The following OTOGL variants were observed in gnomAD, a reference collection of about 807,000 sequenced individuals.
The protein encoded by OTOGL is otogelin like, also known as otogelin-like protein.
Under a neutral mutation model 318.5 loss-of-function variants are expected in OTOGL, and 285 were observed. The ratio of observed to expected loss-of-function variants is 0.89; its 90% CI spans 0.81 to 0.99. The LOEUF is 0.99. Among genes scored for constraint, OTOGL ranks in the 50% least tolerant of loss-of-function variants. The pLI is 0.00. For missense variants in OTOGL, 2,899 were observed against 2,845.6 expected (o/e 1.02, Z -0.43); for synonymous variants, 987 against 936.5 (o/e 1.05, Z -0.99).
At chr12:80,276,390 C>A (rs1172716275) in intron 24 of OTOGL, among the ~76,000 whole-genome samples, 3 of 151,684 alleles carry the variant, frequency 2.0e-5, no homozygotes, top group Non-Finnish European at 4.4e-5. Context: ...CCATAGTAAG[C>A]AGTCAAGAAT....
intron 1 of OTOGL, among the ~76,000 whole-genome samples, chr12:80,172,204 C>T (rs1286450895): frequency 6.6e-6 from 1 of 152,076 alleles, no homozygotes; most frequent in Non-Finnish European, 1.5e-5. Flanking sequence ...ACTTGAAATG[C>T]CTTTCTTCCT....
chr12:80,328,758 T>C lies in OTOGL; in HGVS notation c.4279+14T>C. ...ATCCACGAGACTGTAAGTGTGAACGTTGCTTAATTTACTCTGAAAAATTAT... is the reference window on the plus strand; with the variant it reads ...ATCCACGAGACTGTAAGTGTGAACGCTGCTTAATTTACTCTGAAAAATTAT... On this transcript the variant is annotated intron_variant, in intron 36 of 58. Transcript: ENST00000547103. The C allele has an allele frequency of 6.4e-7, 1 of 1,567,566 alleles. No homozygotes were observed. The highest frequency in any genetic ancestry group is 8.8e-7 in the Non-Finnish European group (1 of 1,140,704).
chr12:80,196,689 G>A (rs59401108), intron 1 of OTOGL, among the ~76,000 whole-genome samples: 3,371 of 152,236 alleles, frequency 0.022, 136 homozygotes, highest in East Asian at 0.19. Context: ...CTATACAAAT[G>A]GTCTTCTCCC....
At chr12:80,176,592 C>T (rs1366822404) in intron 1 of OTOGL, among the ~76,000 whole-genome samples, 1 of 151,972 alleles carries the variant, frequency 6.6e-6, no homozygotes, top group Non-Finnish European at 1.5e-5. Context: ...TTTTTTATTG[C>T]TAAGTAGTAT....
chr12:80,297,694 A>T (rs1265153405), intron 27 of OTOGL, among the ~76,000 whole-genome samples: 1 of 152,026 alleles, frequency 6.6e-6, no homozygotes, highest in African/African-American at 2.4e-5. Context: ...AGACTTTGAG[A>T]TGCCTTCCCA....
intron 1 of OTOGL, among the ~76,000 whole-genome samples, chr12:80,110,456 A>G (rs1404673221): frequency 3.3e-5 from 5 of 152,136 alleles, no homozygotes; most frequent in Admixed American, 2.6e-4. Flanking sequence ...CCCTGTGCCC[A>G]TGTGTTCTCA....
At chr12:80,330,338 C>G (rs548454402) in intron 37 of OTOGL, among the ~76,000 whole-genome samples, 1 of 152,066 alleles carries the variant, frequency 6.6e-6, no homozygotes, top group Non-Finnish European at 1.5e-5. Context: ...AAGAGCCCTA[C>G]GAGAGAGGTT....
intron 35 of OTOGL, among the ~76,000 whole-genome samples, chr12:80,324,633 G>A (rs1002648839): frequency 6.6e-6 from 1 of 152,174 alleles, no homozygotes; most frequent in African/African-American, 2.4e-5. Context: ...TGGAGGAGAG[G>A]AGGACAGGGC....
intron 56 of OTOGL, 75 bp downstream of exon 56, chr12:80,370,764 C>A: frequency 2.7e-6 from 3 of 1,126,146 alleles, no homozygotes; most frequent in Admixed American, 2.8e-5. Flanking sequence ...TTTCTAAGGT[C>A]ATACTTTCAT....
At chr12:80,274,066 A>C (rs1883614612) in intron 24 of OTOGL, among the ~76,000 whole-genome samples, 2 of 151,998 alleles carry the variant, frequency 1.3e-5, no homozygotes, top group African/African-American at 4.8e-5. Flanking sequence ...CAATACTGAA[A>C]TTAGGCCAAT....
At chr12:80,101,822 G>T (rs961587138) in intron 1 of OTOGL, among the ~76,000 whole-genome samples, 3 of 152,156 alleles carry the variant, frequency 2.0e-5, no homozygotes, top group African/African-American at 7.2e-5. Flanking sequence ...ACCTGTAAAG[G>T]GGGGAAATTG....
chr12:80,220,348 G>A (rs1878186540), intron 6 of OTOGL, among the ~76,000 whole-genome samples: 1 of 151,942 alleles, frequency 6.6e-6, no homozygotes, highest in Non-Finnish European at 1.5e-5. Context: ...TTGTGGAGAT[G>A]GGGTTTCACC....
At chr12:80,170,341 T>C (rs1874122753) in intron 1 of OTOGL, among the ~76,000 whole-genome samples, 1 of 152,144 alleles carries the variant, frequency 6.6e-6, no homozygotes, top group African/African-American at 2.4e-5. Flanking sequence ...CTATTGATGG[T>C]GAAAATATTT....
chr12:80,345,148 GTTATA>G lies in OTOGL; in HGVS notation c.5265+2993_5265+2997del, dbSNP rs527677608. On this transcript the variant is annotated intron_variant, in intron 44 of 58. Transcript: ENST00000547103. ...TTATATATTATAATATATATTATAT[GTTATA>G]TTATATATTATGATATATAATATAT... 6.8e-3 allele frequency among the ~76,000 whole-genome samples: 889 copies of G among 130,426 alleles called. 14 individuals carry two copies. The highest frequency in any genetic ancestry group is 0.023 in the African/African-American group (784 of 34,556). The allele number at this position is 130,426 out of a possible 152,430, so 85.6% of individuals were successfully genotyped here. A position where few individuals can be genotyped will look rare whatever the true frequency, so the allele number is the denominator to read the frequency against.
intron 44 of OTOGL, among the ~76,000 whole-genome samples, chr12:80,352,023 G>T (rs1889581570): frequency 6.6e-6 from 1 of 152,100 alleles, no homozygotes; most frequent in Non-Finnish European, 1.5e-5. Context: ...GTGGATATTA[G>T]AAATAAATTT....
At chr12:80,367,411 C>A in intron 53 of OTOGL, 150 bp from the exon 54 acceptor site, 1 of 522,046 alleles carries the variant, frequency 1.9e-6, no homozygotes, top group Non-Finnish European at 3.2e-6. Flanking sequence ...AAATATTGGG[C>A]CATTAAAATA....
intron 52 of OTOGL, chr12:80,361,141 C>T (rs1266014607): frequency 1.3e-5 from 2 of 150,380 alleles, no homozygotes; most frequent in Non-Finnish European, 3.0e-5. Flanking sequence ...AACCCTGCTC[C>T]CCCACCCTCA....
chr12:80,212,116 G>T, intron 4 of OTOGL, 119 bp downstream of exon 4: 1 of 998,776 alleles, frequency 1.0e-6, no homozygotes. Flanking sequence ...GAACAAGACA[G>T]GAAGGAGGAG....
chr12:80,324,955 A>T (rs1887583900), intron 35 of OTOGL, among the ~76,000 whole-genome samples: 1 of 152,180 alleles, frequency 6.6e-6, no homozygotes, highest in South Asian at 2.1e-4. Flanking sequence ...CTGGAGTTTG[A>T]TATGGAAAAT....
Sources: allele counts gnomAD v4.1 joint callset (sites outside exome capture counted in the v4.1 genomes callset), GRCh38; gene constraint gnomAD v4.1.1; transcripts MANE v1.5; gene names NCBI Gene and HGNC (gene_info 2026-07-23, HGNC 2026-07-21).